The following MCCC1 variants were observed in gnomAD, a reference collection of about 807,000 sequenced individuals.
The protein encoded by MCCC1 is methylcrotonyl-CoA carboxylase subunit 1.
A neutral mutation model predicts 83.8 loss-of-function variants in MCCC1; 64 were observed. The observed-to-expected ratio is 0.76, with a 90% CI of 0.62 to 0.94. MCCC1 has a LOEUF of 0.94. MCCC1 is among the 40% of genes least tolerant of loss of function. The pLI, the probability that MCCC1 is intolerant of heterozygous loss-of-function variation, is 0.00. For synonymous variants in MCCC1, 322 were observed against 315.4 expected (o/e 1.02, Z -0.22); for missense variants, 807 against 904.7 (o/e 0.89, Z 1.39).
Position 183,071,118 on chromosome 3 carries a change from TCC to T in MCCC1, c.640_641del (p.Gly214AsnfsTer5), listed in dbSNP as rs886058209. On this transcript the variant is annotated frameshift_variant and splice_region_variant, in exon 7 of 19. Coordinates refer to ENST00000265594, the MANE Select transcript of MCCC1 (RefSeq NM_020166.5). LOFTEE classifies it high-confidence loss of function. ...CTTGTTCTGATCTAACAATCCTCAT[TCC>T]CTAAGAGAGAAAAGATGATTATGAC... ...IKAVRGGGGK[G>X]MRIVRSEQEF... 6.2e-6 allele frequency: 10 copies of T among 1,613,896 alleles called. No homozygotes were observed. The highest frequency in any genetic ancestry group is 8.5e-6 in the Non-Finnish European group (10 of 1,180,008).
At position 183,064,794 on chromosome 3, in the gene MCCC1, G is replaced by C. The variant is rs1716130635; in HGVS notation, c.761+6205C>G. On this transcript the variant is annotated intron_variant, in intron 7 of 18. Coordinates refer to ENST00000265594, the MANE Select transcript of MCCC1 (RefSeq NM_020166.5). This position sits in a 1 kb window ranked among gnomAD's most constrained non-coding sequence, Gnocchi z 4.5. ...TGCAGCACCGGCAGGAGGCGCCTCA[G>C]AGCCATGGTGGGCAAAAGATCCCTT... Among the ~76,000 whole-genome samples, 1 of 152,218 alleles carries C rather than the reference G, an allele frequency of 6.6e-6. No homozygotes were observed. The highest frequency in any genetic ancestry group is 1.5e-5 in the Non-Finnish European group (1 of 68,040).
intron 14 of MCCC1, among the ~76,000 whole-genome samples, chr3:183,027,431 T>C (rs888347461): frequency 2.0e-5 from 3 of 152,256 alleles, no homozygotes; most frequent in African/African-American, 7.2e-5. Flanking sequence ...GTTAGGCTTC[T>C]GATGCCAAAC....
At chr3:183,113,807 G>A (rs917124280) in intron 1 of MCCC1, among the ~76,000 whole-genome samples, 1 of 152,120 alleles carries the variant, frequency 6.6e-6, no homozygotes, top group Admixed American at 6.6e-5. Context: ...TAGAACCTGA[G>A]GAGGGAGTTG....
chr3:183,090,202 A>G (rs1162994185), intron 3 of MCCC1, among the ~76,000 whole-genome samples: 1 of 152,104 alleles, frequency 6.6e-6, no homozygotes, highest in African/African-American at 2.4e-5. Flanking sequence ...ATGCCATGAG[A>G]AGAATTTATT....
At chr3:183,068,805 C>A (rs1716438781) in intron 7 of MCCC1, among the ~76,000 whole-genome samples, 1 of 152,294 alleles carries the variant, frequency 6.6e-6, no homozygotes, top group Non-Finnish European at 1.5e-5. Context: ...CAAATACTTA[C>A]CATTGTGTTA....
chr3:183,053,815 C>CAA (rs565897328), intron 8 of MCCC1, among the ~76,000 whole-genome samples: 27 of 111,076 alleles, frequency 2.4e-4, no homozygotes, highest in African/African-American at 6.2e-4. Flanking sequence ...AAAAAAAAAA[C>CAA]AAAAAAAAAC....
At chr3:183,041,897 T>C (rs1055972740) in intron 10 of MCCC1, 147 bp from the exon 11 acceptor site, 7 of 910,856 alleles carry the variant, frequency 7.7e-6, no homozygotes, top group Admixed American at 6.5e-5. Flanking sequence ...TGTCTACTCA[T>C]TTGAGTATTG....
At chr3:183,102,580 A>T (rs1441548083), upstream of MCCC1, among the ~76,000 whole-genome samples, 1 of 151,988 alleles carries the variant, frequency 6.6e-6, no homozygotes, top group Non-Finnish European at 1.5e-5. Context: ...AGATTTTAAA[A>T]CTCAGTAATT....
chr3:183,112,308 G>T (rs986537626), intron 1 of MCCC1, among the ~76,000 whole-genome samples: 1 of 152,160 alleles, frequency 6.6e-6, no homozygotes, highest in Non-Finnish European at 1.5e-5. Flanking sequence ...AGAAGGTAGG[G>T]TGTTTCCAGG....
At chr3:183,030,988 A>C (rs1651750141) in intron 14 of MCCC1, among the ~76,000 whole-genome samples, 1 of 152,160 alleles carries the variant, frequency 6.6e-6, no homozygotes, top group South Asian at 2.1e-4. Context: ...AGACACTACC[A>C]AAAAAACTCC....
At position 183,074,600 on chromosome 3, in the gene MCCC1, G is replaced by A. The variant is rs553682985; in HGVS notation, c.370-2113C>T. ...CTTCACATATCTGGGAAACTCATACGAATAGAAAAACCCACATCCTAGTGA... is the reference window on the plus strand; with the variant it reads ...CTTCACATATCTGGGAAACTCATACAAATAGAAAAACCCACATCCTAGTGA... On this transcript the variant is annotated intron_variant, in intron 4 of 18. Coordinates refer to ENST00000265594, the MANE Select transcript of MCCC1 (RefSeq NM_020166.5). 2.2e-4 allele frequency among the ~76,000 whole-genome samples: 34 copies of A among 152,208 alleles called. No individual in the cohort carries two copies. The South Asian group carries it at 5.2e-3, about 23-fold the overall frequency.
intron 4 of MCCC1, among the ~76,000 whole-genome samples, chr3:183,081,952 G>C (rs538506161): frequency 6.6e-6 from 1 of 152,336 alleles, no homozygotes; most frequent in South Asian, 2.1e-4. Context: ...AGAGCCAGCT[G>C]TGCAGCTGCG....
At chr3:183,058,342 C>T (rs1715579450) in intron 7 of MCCC1, among the ~76,000 whole-genome samples, 1 of 152,138 alleles carries the variant, frequency 6.6e-6, no homozygotes, top group Non-Finnish European at 1.5e-5. Flanking sequence ...GGGCCGGGCA[C>T]AGTGCCTCAC....
chr3:183,020,562 T>C (rs1488377513), intron 16 of MCCC1, among the ~76,000 whole-genome samples: 3 of 150,992 alleles, frequency 2.0e-5, no homozygotes, highest in African/African-American at 7.3e-5. Flanking sequence ...GCCTGGGAGG[T>C]AGAGGCTGCA....
intron 7 of MCCC1, among the ~76,000 whole-genome samples, chr3:183,059,320 G>T (rs558435736): frequency 6.6e-6 from 1 of 152,152 alleles, no homozygotes; most frequent in South Asian, 2.1e-4. Flanking sequence ...AAAATAAAAA[G>T]AATTTATCTT....
intron 7 of MCCC1, among the ~76,000 whole-genome samples, chr3:183,068,467 T>C (rs1330078576): frequency 6.6e-6 from 1 of 152,184 alleles, no homozygotes; most frequent in African/African-American, 2.4e-5. Flanking sequence ...GAGGCAAGAA[T>C]ACTCCACCCC....
At chr3:183,044,848 G>A (rs914935395) in intron 10 of MCCC1, among the ~76,000 whole-genome samples, 10 of 151,882 alleles carry the variant, frequency 6.6e-5, no homozygotes, top group Non-Finnish European at 1.0e-4. Context: ...ACTGAACCCC[G>A]TCCAAAATGA....
intron 4 of MCCC1, 122 bp from the exon 5 acceptor site, chr3:183,072,609 A>G: frequency 2.8e-6 from 3 of 1,073,724 alleles, no homozygotes; most frequent in South Asian, 2.8e-5. Flanking sequence ...TATGGTCTCT[A>G]TTAAACTCTG....
At chr3:183,022,772 A>G in intron 15 of MCCC1, 1 of 493,484 alleles carries the variant, frequency 2.0e-6, no homozygotes, top group Non-Finnish European at 3.5e-6. Context: ...AGGGAAAAAA[A>G]AGTTATATAA....
Sources: allele counts gnomAD v4.1 joint callset (sites outside exome capture counted in the v4.1 genomes callset), GRCh38; gene constraint gnomAD v4.1.1; non-coding constraint Gnocchi (gnomAD v3.1); transcripts MANE v1.5; gene names NCBI Gene and HGNC (gene_info 2026-07-23, HGNC 2026-07-21).